Variants in TSSC4 observed in about 807,000 individuals in gnomAD.
TSSC4 encodes U5 small nuclear ribonucleoprotein TSSC4.
For synonymous variants in TSSC4, 259 were observed against 197.9 expected (o/e 1.31, Z -2.59); for missense variants, 500 against 443.9 (o/e 1.13, Z -1.14).
At chr11:2,402,525 G>T (rs1850178971) in intron 2 of TSSC4, 75 bp downstream of exon 2, 1 of 1,238,666 alleles carries the variant, frequency 8.1e-7, no homozygotes, top group Non-Finnish European at 1.1e-6. Context: ...CCCTCCACTT[G>T]TCCAGGGGCA....
At position 2,403,066 on chromosome 11, in the gene TSSC4, G is replaced by A; in HGVS notation, c.433G>A (p.Ala145Thr). The change falls in exon 3 of 3, where the codon GCC becomes ACC. Residue 145 changes from alanine to threonine, a missense_variant. Coordinates refer to ENST00000333256, the MANE Select transcript of TSSC4 (RefSeq NM_005706.4). ...EGLGRAHRSP[A>T]SPRVPPVPDY... ...CCTGGGCAGGGCCCATCGGAGCCCT[G>A]CCTCACCAAGGGTGCCTCCGGTCCC... 1 of 1,610,446 alleles carries A rather than the reference G, an allele frequency of 6.2e-7. No homozygotes were observed. Among genetic ancestry groups the A allele is most frequent in the Non-Finnish European group, 8.5e-7 (1 of 1,179,050 alleles).
In TSSC4 at chr11:2,402,737, A is replaced by T. The variant is rs1175744845; in HGVS notation, c.104A>T (p.Asp35Val). Residue 35 changes from aspartate to valine, a missense_variant, in exon 3 of 3, where the codon GAC becomes GTC. Transcript: ENST00000333256. The part of the protein sequence containing the change: ...PSDTVSLSDS[D>V]SDLSLPGGAE... ...GACACAGTCTCCCTCAGTGACTCGG[A>T]CTCTGACCTCAGCTTGCCCGGTGGT... 7.0e-6 allele frequency: 11 copies of T among 1,571,986 alleles called. No homozygotes were observed. The highest frequency in any genetic ancestry group is 8.6e-6 in the Non-Finnish European group (10 of 1,158,136).
At chr11:2,402,182 C>A (rs1208699217) in intron 1 of TSSC4, 112 bp from the exon 2 acceptor site, 1 of 163,296 alleles carries the variant, frequency 6.1e-6, no homozygotes, top group African/African-American at 2.4e-5. Context: ...TGGGTCCTAG[C>A]CTGTCAGGGG....
Position 2,402,875 on chromosome 11 carries a change from A to G in TSSC4, c.242A>G (p.His81Arg), listed in dbSNP as rs77344525. The G allele has an allele frequency of 5.2e-4, 838 of 1,611,930 alleles. 17 individuals carry two copies. In the East Asian group the frequency reaches 0.018, roughly 35 times the overall value. The change falls in exon 3 of 3, where the codon CAT becomes CGT. Residue 81 changes from histidine to arginine, a missense_variant. By Grantham distance (29) the His-to-Arg change is conservative. Transcript: ENST00000333256. ...GLLPATVQPF[H>R]LRGMSSTFSQ... is the part of the protein sequence containing the mutation. Reference sequence around the variant, plus strand: ...CTCCCAGCCACGGTGCAGCCATTCCATCTGAGAGGCATGAGCTCCACCTTC... The same window carrying G: ...CTCCCAGCCACGGTGCAGCCATTCCGTCTGAGAGGCATGAGCTCCACCTTC...
rs751869934 is a variant in TSSC4 at position 2,402,648 on chromosome 11, A to G, written c.15A>G (p.Gly5=). The G allele has an allele frequency of 1.9e-6, 3 of 1,594,956 alleles. No homozygotes were observed. Among genetic ancestry groups the G allele is most frequent in the Admixed American group, 3.4e-5 (2 of 58,444 alleles). The change falls in exon 3 of 3, where the codon GGA becomes GGG. Residue 5 remains glycine (G), a synonymous_variant. Transcript: ENST00000333256. MAEA[G]TGEPSPSVEG... ...CCTGGGGACGCATGGCTGAGGCAGG[A>G]ACAGGTGAGCCGTCCCCCAGCGTGG...
In TSSC4 at chr11:2,403,536, T is replaced by C. The variant is rs1231897650; in HGVS notation, c.903T>C (p.Thr301=). Residue 301 remains threonine (T), a synonymous_variant, in exon 3 of 3, where the codon ACT becomes ACC. Coordinates refer to ENST00000333256, the MANE Select transcript of TSSC4 (RefSeq NM_005706.4). ...TGCCAGGTCTCCCGCCGGTGGAAAC[T>C]GTTGGCTTCCATGGCAGCAGGAAGC... is the stretch of plus-strand genomic sequence containing the variant. ...GSVPGLPPVE[T]VGFHGSRKRS... is the part of the protein sequence containing the mutation. 1 of 1,592,602 alleles carries C rather than the reference T, an allele frequency of 6.3e-7. No individual in the cohort carries two copies. Among genetic ancestry groups the C allele is most frequent in the African/African-American group, 1.4e-5 (1 of 74,000 alleles).
chr11:2,401,450 C>A (rs922054199), intron 1 of TSSC4: 1 of 152,356 alleles, frequency 6.6e-6, no homozygotes, highest in Non-Finnish European at 1.5e-5. Flanking sequence ...GGGGTGGCTT[C>A]TTCACTGAGG....
At position 2,402,993 on chromosome 11, in the gene TSSC4, A is replaced by G. The variant is rs951916524; in HGVS notation, c.360A>G (p.Gly120=). The change falls in exon 3 of 3, where the codon GGA becomes GGG. Residue 120 remains glycine (G), a synonymous_variant. Transcript: ENST00000333256. Reference sequence around the variant, plus strand: ...CCCACACCAGCATGAGTGACAACGGAGGCTTCAAGCGGCCCCTAGCGCCCT... The same window carrying G: ...CCCACACCAGCATGAGTGACAACGGGGGCTTCAAGCGGCCCCTAGCGCCCT... ...SVAHTSMSDN[G]GFKRPLAPSG... 4.4e-6 allele frequency: 7 copies of G among 1,608,996 alleles called. No individual in the cohort carries two copies. The highest frequency in any genetic ancestry group is 5.9e-6 in the Non-Finnish European group (7 of 1,178,112).
rs1278021657 is a variant in TSSC4, at chr11:2,402,814, G to A, written c.181G>A (p.Gly61Ser). Reference protein sequence around the residue: ...PMGLPGEEDSGPDEPPSPPSG... With the variant: ...PMGLPGEEDSSPDEPPSPPSG... ...GGGGCTGCCTGGGGAGGAGGATTCAGGTCCTGATGAGCCGCCCTCACCCCC... is the reference window on the plus strand; with the variant it reads ...GGGGCTGCCTGGGGAGGAGGATTCAAGTCCTGATGAGCCGCCCTCACCCCC... The change falls in exon 3 of 3, where the codon GGT (glycine) becomes AGT (serine). Residue 61 changes from glycine to serine, a missense_variant. By Grantham distance (56) the Gly-to-Ser change is moderately conservative. Coordinates refer to ENST00000333256, the MANE Select transcript of TSSC4 (RefSeq NM_005706.4). 1.4e-5 allele frequency: 23 copies of A among 1,589,794 alleles called. No homozygotes were observed. In the East Asian group the frequency reaches 4.6e-4, roughly 32 times the overall value.
intron 1 of TSSC4, 82 bp from the exon 2 acceptor site, chr11:2,402,212 G>A (rs1297965666): frequency 1.7e-5 from 3 of 171,806 alleles, no homozygotes; most frequent in Non-Finnish European, 3.7e-5. Context: ...CCCAGGCTCA[G>A]GTCGGTCCTG....
Position 2,403,521 on chromosome 11 carries a change from C to G in TSSC4, c.888C>G (p.Leu296=), listed in dbSNP as rs748620924. 17 of 1,596,334 alleles carry G rather than the reference C, an allele frequency of 1.1e-5. 1 individual carries two copies. In the South Asian group the frequency reaches 1.9e-4, roughly 18 times the overall value. The change falls in exon 3 of 3, where the codon CTC becomes CTG. Residue 296 remains leucine (L), a synonymous_variant. Transcript: ENST00000333256. ...GSVHSGSVPG[L]PPVETVGFHG... ...TCCACAGTGGGTCTGTGCCAGGTCT[C>G]CCGCCGGTGGAAACTGTTGGCTTCC...
chr11:2,403,043 T>G lies in TSSC4; in HGVS notation c.410T>G (p.Leu137Arg). 6.2e-7 allele frequency: 1 copy of G among 1,609,192 alleles called. No homozygotes were observed. The highest frequency in any genetic ancestry group is 8.5e-7 in the Non-Finnish European group (1 of 1,178,438). The change falls in exon 3 of 3, where the codon CTG (leucine) becomes CGG (arginine). Residue 137 changes from leucine (L) to arginine (R), a missense_variant. Transcript: ENST00000333256. ...APSGRSPVEGLGRAHRSPASP... is the reference protein window; with the variant it reads ...APSGRSPVEGRGRAHRSPASP... ...TCAGGCCGGTCTCCAGTGGAAGGCC[T>G]GGGCAGGGCCCATCGGAGCCCTGCC...
chr11:2,400,786 C>T lies in TSSC4; in HGVS notation c.-193C>T, dbSNP rs1210435589. 2 of 152,112 alleles carry T rather than the reference C, an allele frequency of 1.3e-5. No homozygotes were observed. The highest frequency in any genetic ancestry group is 4.8e-5 in the African/African-American group (2 of 41,432). The allele number at this position is 152,112 out of a possible 1,614,324, so 9.4% of individuals were successfully genotyped here. ...GCCGACCAAGATGGAGACTGCCGAG[C>T]AGCCTTGAGCCGGTAGGTTTGTGGT... On this transcript the variant is annotated 5_prime_UTR_variant, in exon 1 of 3. The change creates a premature stop within an existing upstream ORF in the 5' untranslated region. Transcript: ENST00000333256.
At chr11:2,402,553 A>C (rs1212135809) in intron 2 of TSSC4, 58 bp from the exon 3 acceptor site, 4 of 1,401,770 alleles carry the variant, frequency 2.9e-6, no homozygotes, top group Non-Finnish European at 3.8e-6. Context: ...TGCAGGGGGA[A>C]CTCATTCTCA....
In TSSC4 at chr11:2,403,806, C is replaced by CTGGGGTG. The variant is rs1346016498; in HGVS notation, c.*195_*201dup. 18 of 552,866 alleles carry CTGGGGTG rather than the reference C, an allele frequency of 3.3e-5. No homozygotes were observed. The highest frequency in any genetic ancestry group is 2.2e-4 in the African/African-American group (11 of 50,900). The allele number at this position is 552,866 out of a possible 1,614,324, so 34.2% of individuals were successfully genotyped here. On this transcript the variant is annotated 3_prime_UTR_variant, in exon 3 of 3. Transcript: ENST00000333256. ...CCAAGCAGAGACCTTGCTGAAGCTC[C>CTGGGGTG]TGGGGTGTGGGGTGTGGGCTGGAAG... is the stretch of plus-strand genomic sequence containing the variant.
Position 2,403,634 on chromosome 11 carries a change from G to T in TSSC4, c.*11G>T, listed in dbSNP as rs1046125594. ...GGTGCTGAGGTCTGAGAGGGAGATG[G>T]CCCAGCCTGACCCCACTGGCCACTG... On this transcript the variant is annotated 3_prime_UTR_variant, in exon 3 of 3. Coordinates refer to ENST00000333256, the MANE Select transcript of TSSC4 (RefSeq NM_005706.4). The T allele has an allele frequency of 1.0e-5, 15 of 1,501,762 alleles. No individual in the cohort carries two copies. In the East Asian group the frequency reaches 3.5e-4, roughly 35 times the overall value. The allele number at this position is 1,501,762 out of a possible 1,614,324, so 93.0% of individuals were successfully genotyped here.
At position 2,402,935 on chromosome 11, in the gene TSSC4, AG is replaced by A. The variant is rs1850197102; in HGVS notation, c.307del (p.Ala103ArgfsTer14). ...QRSRDIFDCLEGAARRAPSSV... is the reference protein window; with the variant it reads ...QRSRDIFDCLXGAARRAPSSV... ...AGCCGTGACATCTTTGACTGCCTGG[AG>A]GGGGCGGCCAGACGGGCTCCATCCT... On this transcript the variant is annotated frameshift_variant, in exon 3 of 3. Coordinates refer to ENST00000333256, the MANE Select transcript of TSSC4 (RefSeq NM_005706.4). LOFTEE classifies it low-confidence loss of function (END_TRUNC). 6.2e-7 allele frequency: 1 copy of A among 1,611,552 alleles called. No homozygotes were observed. The highest frequency in any genetic ancestry group is 8.5e-7 in the Non-Finnish European group (1 of 1,179,482).
Position 2,402,942 on chromosome 11 carries a change from G to T in TSSC4, c.309G>T (p.Ala103=), listed in dbSNP as rs150376502. The change falls in exon 3 of 3, where the codon GCG becomes GCT. Residue 103 remains alanine (A), a synonymous_variant. Transcript: ENST00000333256. ...SRDIFDCLEG[A]ARRAPSSVAH... ...ACATCTTTGACTGCCTGGAGGGGGC[G>T]GCCAGACGGGCTCCATCCTCTGTGG... is the stretch of plus-strand genomic sequence containing the variant. 1.9e-6 allele frequency: 3 copies of T among 1,610,834 alleles called. No individual in the cohort carries two copies. The highest frequency in any genetic ancestry group is 2.5e-6 in the Non-Finnish European group (3 of 1,179,232).
chr11:2,401,808 G>A (rs535260999), intron 1 of TSSC4: 2 of 152,336 alleles, frequency 1.3e-5, no homozygotes, highest in South Asian at 4.1e-4. Context: ...GGTCGCTCCA[G>A]GAGCCGCGGG....
Sources: allele counts gnomAD v4.1 joint callset, GRCh38; gene constraint gnomAD v4.1.1; transcripts MANE v1.5; gene names NCBI Gene and HGNC (gene_info 2026-07-23, HGNC 2026-07-21).